Variants in USP40 observed in about 807,000 individuals in gnomAD.
The protein encoded by USP40 is ubiquitin carboxyl-terminal hydrolase 40.
A neutral mutation model predicts 166.2 loss-of-function variants in USP40; 143 were observed. The observed-to-expected ratio is 0.86, with a 90% CI of 0.75 to 0.99. The LOEUF is 0.99. Ranked by LOEUF, USP40 falls within the 50% of genes least tolerant of loss-of-function variation. The pLI is 0.00. For missense variants in USP40, 1,444 were observed against 1,479.7 expected, an observed-to-expected ratio of 0.98 and a Z score of 0.40; for synonymous variants, 498 against 524.0, an observed-to-expected ratio of 0.95 and a Z score of 0.68.
At chr2:233,541,354 T>A (rs945663670) in intron 9 of USP40, among the ~76,000 whole-genome samples, 19 of 152,116 alleles carry the variant, frequency 1.2e-4, no homozygotes, top group Admixed American at 9.2e-4. Flanking sequence ...GTAAATCTGA[T>A]TGGCATTATC....
chr2:233,517,328 T>C (rs1242636828), intron 18 of USP40, among the ~76,000 whole-genome samples: 1 of 151,602 alleles, frequency 6.6e-6, no homozygotes, highest in Non-Finnish European at 1.5e-5. Context: ...ACTGGGTATC[T>C]ACCCAGAAGA....
chr2:233,510,494 C>A (rs1220752562), intron 20 of USP40, among the ~76,000 whole-genome samples: 1 of 142,530 alleles, frequency 7.0e-6, no homozygotes, highest in South Asian at 2.2e-4. Context: ...CCTCTGCTTC[C>A]CAAGTTCAAG....
intron 18 of USP40, among the ~76,000 whole-genome samples, chr2:233,516,850 CCG>C (rs1419546222): frequency 5.3e-5 from 8 of 150,830 alleles, no homozygotes; most frequent in Non-Finnish European, 1.0e-4. Flanking sequence ...GAGCAAGACT[CCG>C]TCTCGAATTG....
At position 233,557,023 on chromosome 2, in the gene USP40, C is replaced by T. The variant is rs750184063; in HGVS notation, c.382-4G>A. 2.5e-6 allele frequency: 4 copies of T among 1,606,164 alleles called. No individual in the cohort carries two copies. Among genetic ancestry groups the T allele is most frequent in the Admixed American group, 1.7e-5 (1 of 58,312 alleles). On this transcript the variant is annotated splice_polypyrimidine_tract_variant and splice_region_variant and intron_variant, in intron 4 of 31. Transcript: ENST00000678225. ...GCACATCATGTTGCCTCATTTCCTA[C>T]AAAACAGGTAACTTTTAGATGTAAT...
At position 233,540,750 on chromosome 2, in the gene USP40, G is replaced by C; in HGVS notation, c.1082C>G (p.Pro361Arg). The C allele has an allele frequency of 1.2e-6, 2 of 1,613,022 alleles. No individual in the cohort carries two copies. Among genetic ancestry groups the C allele is most frequent in the Non-Finnish European group, 1.7e-6 (2 of 1,179,362 alleles). Residue 361 changes from proline (P) to arginine (R), a missense_variant, in exon 10 of 32, where the codon CCT (proline) becomes CGT (arginine). Coordinates refer to ENST00000678225, the MANE Select transcript of USP40 (RefSeq NM_001365479.2). ...AAGTTTCTGGCCCAGCTGATCAACAGGAATTAGATTATTCTCCTCCTTATG... is the reference window on the plus strand; with the variant it reads ...AAGTTTCTGGCCCAGCTGATCAACACGAATTAGATTATTCTCCTCCTTATG... Reference protein sequence around the residue: ...ILLEEENNLIPVDQLGQKLLK... With the variant: ...ILLEEENNLIRVDQLGQKLLK...
At position 233,523,502 on chromosome 2, in the gene USP40, C is replaced by T; in HGVS notation, c.1882-13G>A. ...GGACTCCACCAACCTGCAATCATAC[C>T]AAGACAACCATTAGTACAGCTGATA... On this transcript the variant is annotated splice_polypyrimidine_tract_variant and intron_variant, in intron 15 of 31. Coordinates refer to ENST00000678225, the MANE Select transcript of USP40 (RefSeq NM_001365479.2). 1 of 1,605,574 alleles carries T rather than the reference C, an allele frequency of 6.2e-7. No individual in the cohort carries two copies. Among genetic ancestry groups the T allele is most frequent in the Non-Finnish European group, 8.5e-7 (1 of 1,175,054 alleles).
chr2:233,539,192 T>A (rs2069170515), intron 10 of USP40, among the ~76,000 whole-genome samples: 1 of 139,246 alleles, frequency 7.2e-6, no homozygotes. Flanking sequence ...TAAAAATTCC[T>A]CAGTAATTAA....
At chr2:233,557,408 T>C (rs527395931) in intron 4 of USP40, among the ~76,000 whole-genome samples, 1 of 152,358 alleles carries the variant, frequency 6.6e-6, no homozygotes, top group South Asian at 2.1e-4. Context: ...CACATGTGAA[T>C]AGTCCGAATT....
intron 8 of USP40, 42 bp from the exon 9 acceptor site, chr2:233,542,405 A>G (rs2069505928): frequency 8.4e-7 from 1 of 1,196,084 alleles, no homozygotes; most frequent in African/African-American, 1.5e-5. Flanking sequence ...CTAACCCCTT[A>G]AAAAGTAACA....
intron 15 of USP40, among the ~76,000 whole-genome samples, chr2:233,523,864 A>T (rs1291326247): frequency 6.6e-6 from 1 of 151,786 alleles, no homozygotes; most frequent in African/African-American, 2.4e-5. Context: ...ATAGATTCTC[A>T]CTCTTCTAAA....
In USP40 at chr2:233,506,740, C is replaced by CAAAAA. The variant is rs1227656570; in HGVS notation, c.2613+3304_2613+3308dup. ...TGAGACACTGCCTCTACCGAAAATA[C>CAAAAA]AAAAAAAAAAAAAAAAAAAAAATAG... is the stretch of plus-strand genomic sequence containing the variant. On this transcript the variant is annotated intron_variant, in intron 21 of 31. Coordinates refer to ENST00000678225, the MANE Select transcript of USP40 (RefSeq NM_001365479.2). 7.4e-3 allele frequency among the ~76,000 whole-genome samples: 396 copies of CAAAAA among 53,798 alleles called. 2 individuals are homozygous for CAAAAA. Among genetic ancestry groups the CAAAAA allele is most frequent in the African/African-American group, 0.019 (375 of 19,390 alleles). 35.3% of individuals were successfully genotyped at this position (53,798 alleles called of 152,430 possible). A position where few individuals can be genotyped will look rare whatever the true frequency, so the allele number is the denominator to read the frequency against.
chr2:233,552,263 T>C (rs1296225616), intron 6 of USP40, among the ~76,000 whole-genome samples: 1 of 141,304 alleles, frequency 7.1e-6, no homozygotes, highest in African/African-American at 2.6e-5. Context: ...TATAACAACA[T>C]GGTAGATTTT....
At chr2:233,521,228 C>T (rs565798941) in intron 16 of USP40, 114 bp from the exon 17 acceptor site, 35 of 1,223,050 alleles carry the variant, frequency 2.9e-5, no homozygotes, top group Non-Finnish European at 3.2e-5. Flanking sequence ...TCTACTGAGT[C>T]GTCTCTATGA....
intron 21 of USP40, among the ~76,000 whole-genome samples, chr2:233,503,587 G>A (rs2066221527): frequency 6.6e-6 from 1 of 152,024 alleles, no homozygotes; most frequent in South Asian, 2.1e-4. Flanking sequence ...GGATTTCTTA[G>A]CAGAAACCTT....
At position 233,480,266 on chromosome 2, in the gene USP40, C is replaced by T. The variant is rs573960577; in HGVS notation, c.3599+937G>A. On this transcript the variant is annotated intron_variant, in intron 31 of 31. Coordinates refer to ENST00000678225, the MANE Select transcript of USP40 (RefSeq NM_001365479.2). This position sits in a 1 kb window ranked among gnomAD's most constrained non-coding sequence, Gnocchi z 4.5. The stretch of plus-strand genomic sequence containing the variant: ...TGAGCGGGGCCAGATCAGGCTCCTA[C>T]AGTCATTTGGGCAGGGAAAGATGAA... Among the ~76,000 whole-genome samples, 2 of 152,196 alleles carry T rather than the reference C, an allele frequency of 1.3e-5. No individual in the cohort carries two copies. The highest frequency in any genetic ancestry group is 3.9e-4 in the East Asian group (2 of 5,172).
At position 233,493,237 on chromosome 2, in the gene USP40, G is replaced by T; in HGVS notation, c.2917+188C>A. On this transcript the variant is annotated intron_variant, in intron 25 of 31. Transcript: ENST00000678225. This position sits in a 1 kb window ranked among gnomAD's most constrained non-coding sequence, Gnocchi z 4.7. ...TATATAGTGCTTTACAGAGGTTACA[G>T]AGCACGTACAGAAATGGCACAGTGT... is the stretch of plus-strand genomic sequence containing the variant. 1.4e-6 allele frequency: 1 copy of T among 735,262 alleles called. No individual in the cohort carries two copies. The allele number at this position is 735,262 out of a possible 1,614,324, so 45.5% of individuals were successfully genotyped here. A position where few individuals can be genotyped will look rare whatever the true frequency, so the allele number is the denominator to read the frequency against.
intron 6 of USP40, among the ~76,000 whole-genome samples, chr2:233,553,832 C>T (rs1392931662): frequency 1.1e-5 from 1 of 95,184 alleles, no homozygotes; most frequent in East Asian, 6.2e-4. Context: ...TCAGTTGCTT[C>T]AGTCCTGACT....
intron 9 of USP40, 63 bp downstream of exon 9, chr2:233,542,205 A>G: frequency 1.1e-6 from 1 of 880,476 alleles, no homozygotes; most frequent in Non-Finnish European, 1.7e-6. Context: ...ACATATATAC[A>G]CACATGCACA....
chr2:233,517,640 G>C (rs2067320707), intron 18 of USP40, among the ~76,000 whole-genome samples: 1 of 152,056 alleles, frequency 6.6e-6, no homozygotes, highest in African/African-American at 2.4e-5. Flanking sequence ...CCCCGCCTCG[G>C]CCTCCCAAAG....
Sources: allele counts gnomAD v4.1 joint callset (sites outside exome capture counted in the v4.1 genomes callset), GRCh38; gene constraint gnomAD v4.1.1; non-coding constraint Gnocchi (gnomAD v3.1); transcripts MANE v1.5; gene names NCBI Gene and HGNC (gene_info 2026-07-23, HGNC 2026-07-21).